SNX29: variants seen among roughly 807,000 people sequenced by gnomAD.
The protein encoded by SNX29 is sorting nexin 29.
A neutral mutation model predicts 102.1 loss-of-function variants in SNX29; 78 were observed. The ratio of observed to expected loss-of-function variants is 0.76; its 90% confidence interval spans 0.64 to 0.92. SNX29 has a LOEUF of 0.92. Ranked by LOEUF, SNX29 falls within the 40% of genes least tolerant of loss-of-function variation. The pLI, the probability that SNX29 is intolerant of heterozygous loss-of-function variation, is 0.00. For synonymous variants in SNX29, 580 were observed against 414.5 expected (o/e 1.40, Z -4.85); for missense variants, 1,280 against 1,061.7 (o/e 1.21, Z -2.86).
intron 15 of SNX29, among the ~76,000 whole-genome samples, chr16:12,321,049 A>G (rs1039555344): frequency 1.3e-5 from 2 of 152,092 alleles, no homozygotes; most frequent in East Asian, 1.9e-4. Context: ...CTCCTCATCT[A>G]GCCTCCTCCA....
intron 1 of SNX29, among the ~76,000 whole-genome samples, chr16:11,980,215 C>T (rs929631548): frequency 6.6e-6 from 1 of 152,144 alleles, no homozygotes; most frequent in South Asian, 2.1e-4. Context: ...TACTTTCTGT[C>T]TCTGGATGTG....
rs552596224 is a variant in SNX29, at chr16:12,308,567, C to T, written c.1782+30531C>T. Among the ~76,000 whole-genome samples the T allele has an allele frequency of 2.9e-4, 44 of 152,222 alleles. 1 individual carries two copies. Among genetic ancestry groups the T allele is most frequent in the African/African-American group, 1.0e-3 (42 of 41,542 alleles). ...TTTGTCAACTTGTTGTGCACTCCTC[C>T]GGAGTGCCTTCCGTGTGCTAGTCAC... On this transcript the variant is annotated intron_variant, in intron 15 of 20. Coordinates refer to ENST00000566228, the MANE Select transcript of SNX29 (RefSeq NM_032167.5).
intron 13 of SNX29, among the ~76,000 whole-genome samples, chr16:12,191,934 T>C (rs1392447006): frequency 6.6e-6 from 1 of 152,212 alleles, no homozygotes; most frequent in Non-Finnish European, 1.5e-5. Context: ...CAGTACCTGC[T>C]GGACGGTAGG....
rs573108452 is a variant in SNX29, at chr16:12,008,785, A to G, written c.122+5742A>G. 3.5e-4 allele frequency among the ~76,000 whole-genome samples: 52 copies of G among 149,216 alleles called. No homozygotes were observed. In the South Asian group the frequency reaches 5.1e-3, roughly 15 times the overall value. ...GAGATGGAGCCTTGCTCTGTCGCAC[A>G]GGCTGGAGTACAGTGGCGCAATCTC... On this transcript the variant is annotated intron_variant, in intron 3 of 20. Coordinates refer to ENST00000566228, the MANE Select transcript of SNX29 (RefSeq NM_032167.5).
Position 12,400,467 on chromosome 16 carries a change from G to A in SNX29, c.1955+1966G>A, listed in dbSNP as rs141018299. 5.2e-3 allele frequency among the ~76,000 whole-genome samples: 789 copies of A among 152,352 alleles called. 11 individuals carry two copies. The highest frequency in any genetic ancestry group is 0.018 in the African/African-American group (748 of 41,572). ...TTGAGCCGGGTTTCAAACCCAGGCA[G>A]TGCTGGTCTAGACTCAGTGCTCTCC... On this transcript the variant is annotated intron_variant, in intron 17 of 20. Transcript: ENST00000566228.
intron 4 of SNX29, among the ~76,000 whole-genome samples, chr16:12,040,298 A>T (rs540466950): frequency 6.6e-6 from 1 of 152,288 alleles, no homozygotes; most frequent in African/African-American, 2.4e-5. Flanking sequence ...GGATCACTTG[A>T]GCCCAGGACG....
At chr16:12,149,279 A>G (rs1236313664) in intron 13 of SNX29, among the ~76,000 whole-genome samples, 1 of 152,222 alleles carries the variant, frequency 6.6e-6, no homozygotes, top group Non-Finnish European at 1.5e-5. Context: ...CTTCTCGTAC[A>G]GAGGTTACCG....
chr16:12,115,630 A>T (rs2053667817), intron 11 of SNX29, among the ~76,000 whole-genome samples: 1 of 152,106 alleles, frequency 6.6e-6, no homozygotes, highest in Non-Finnish European at 1.5e-5. Flanking sequence ...CTTCTTGCAG[A>T]CCTACTGATT....
chr16:12,059,289 C>T (rs916256597), intron 8 of SNX29, among the ~76,000 whole-genome samples: 7 of 152,210 alleles, frequency 4.6e-5, no homozygotes, highest in Non-Finnish European at 1.0e-4. Flanking sequence ...CCTGAAAGGG[C>T]GCCCCTGACC....
At chr16:12,449,614 C>T (rs556888098) in intron 18 of SNX29, among the ~76,000 whole-genome samples, 3 of 152,300 alleles carry the variant, frequency 2.0e-5, no homozygotes, top group South Asian at 2.1e-4. Context: ...TCCCGTGCTC[C>T]AGCTGTGCAT....
intron 3 of SNX29, among the ~76,000 whole-genome samples, chr16:12,019,740 G>A (rs1207862649): frequency 2.7e-5 from 4 of 150,512 alleles, no homozygotes; most frequent in East Asian, 4.0e-4. Flanking sequence ...GGGTTCAAGC[G>A]ATTCTCTTGG....
intron 19 of SNX29, among the ~76,000 whole-genome samples, chr16:12,508,720 A>T (rs2089482593): frequency 6.6e-6 from 1 of 151,564 alleles, no homozygotes; most frequent in African/African-American, 2.4e-5. Flanking sequence ...TGTTTGATTC[A>T]CTCCAGGTTT....
chr16:12,080,841 G>A (rs1479823651), intron 11 of SNX29, among the ~76,000 whole-genome samples: 3 of 151,578 alleles, frequency 2.0e-5, no homozygotes, highest in African/African-American at 4.9e-5. Context: ...ACAGGCCCAC[G>A]CCCGGCTAAT....
At chr16:12,489,285 G>GAA (rs66969309) in intron 19 of SNX29, among the ~76,000 whole-genome samples, 58 of 144,010 alleles carry the variant, frequency 4.0e-4, no homozygotes, top group African/African-American at 1.3e-3. Flanking sequence ...TAACACGCTG[G>GAA]AAAAAAAAAA....
intron 14 of SNX29, among the ~76,000 whole-genome samples, chr16:12,218,991 G>A (rs1275675978): frequency 6.6e-6 from 1 of 152,086 alleles, no homozygotes; most frequent in Admixed American, 6.5e-5. Context: ...AGCCAGGTTG[G>A]TCTCGATCTC....
In SNX29 at chr16:12,173,297, C is replaced by G. The variant is rs2076190238; in HGVS notation, c.1596-26304C>G. ...TACATTCGTGGAGCAATGTTATATT[C>G]CCTGAGTGCTTTTCCCTACTGGCCA... On this transcript the variant is annotated intron_variant, in intron 13 of 20. Coordinates refer to ENST00000566228, the MANE Select transcript of SNX29 (RefSeq NM_032167.5). Among the ~76,000 whole-genome samples, 3 of 152,292 alleles carry G rather than the reference C, an allele frequency of 2.0e-5. No individual in the cohort carries two copies. In the South Asian group the frequency reaches 6.2e-4, roughly 32 times the overall value.
chr16:12,117,618 T>C (rs1318637837), intron 11 of SNX29, among the ~76,000 whole-genome samples: 1 of 152,070 alleles, frequency 6.6e-6, no homozygotes, highest in Non-Finnish European at 1.5e-5. Flanking sequence ...GGGAGGAGGA[T>C]GAAATGGGAA....
intron 20 of SNX29, among the ~76,000 whole-genome samples, chr16:12,563,735 T>C (rs1180269051): frequency 6.6e-6 from 1 of 152,244 alleles, no homozygotes; most frequent in African/African-American, 2.4e-5. Context: ...GGCACTGTCA[T>C]TCTTTACCCA....
chr16:12,318,207 C>T (rs2080814988), intron 15 of SNX29, among the ~76,000 whole-genome samples: 1 of 152,248 alleles, frequency 6.6e-6, no homozygotes. Context: ...CGAGCTCATG[C>T]ACACCTGGGA....
Sources: gnomAD v4.1 joint callset for allele counts (sites outside exome capture counted in the v4.1 genomes callset) on GRCh38, gnomAD v4.1.1 for gene constraint, MANE v1.5 for transcripts, NCBI Gene and HGNC (gene_info 2026-07-23, HGNC 2026-07-21) for gene names.